The following PDE3B variants were observed in gnomAD, a reference collection of about 807,000 sequenced individuals.
PDE3B encodes the protein phosphodiesterase 3B.
Under a neutral mutation model 116.8 loss-of-function variants are expected in PDE3B, and 66 were observed. The observed-to-expected ratio is 0.56, with a 90% CI of 0.46 to 0.69. PDE3B has a LOEUF of 0.69. Ranked by LOEUF, PDE3B falls within the 30% of genes least tolerant of loss-of-function variation. PDE3B has a pLI of 0.00. For synonymous variants in PDE3B, 595 were observed against 533.6 expected (o/e 1.12, Z -1.59); for missense variants, 1,384 against 1,368.1 (o/e 1.01, Z -0.18).
chr11:14,645,250 CA>C (rs1853366082), intron 1 of PDE3B, among the ~76,000 whole-genome samples, 197 bp downstream of exon 1: 1 of 146,424 alleles, frequency 6.8e-6, no homozygotes, highest in African/African-American at 2.6e-5. Context: ...TTTAAAAATG[CA>C]GAAGCAAGTA....
chr11:14,860,691 A>G (rs1460614212), intron 13 of PDE3B, among the ~76,000 whole-genome samples: 1 of 152,176 alleles, frequency 6.6e-6, no homozygotes, highest in Non-Finnish European at 1.5e-5. Context: ...TTTTTGATTC[A>G]GAATACAACT....
At chr11:14,666,725 C>T (rs952926607) in intron 1 of PDE3B, among the ~76,000 whole-genome samples, 15 of 151,682 alleles carry the variant, frequency 9.9e-5, no homozygotes, top group African/African-American at 3.6e-4. Context: ...AAATCAAAAC[C>T]ACAATGAGAT....
At chr11:14,890,537 C>CTTTTTTTTTTTTTTTT in the PDE3B span, 1 of 64,272 alleles carries the variant, frequency 1.6e-5, no homozygotes, top group African/African-American at 6.8e-5. Flanking sequence ...TAGACCAATT[C>CTTTTTTTTTTTTTTTT]TTTTTTTTTT....
chr11:14,715,596 T>G (rs1424559367), intron 1 of PDE3B, among the ~76,000 whole-genome samples: 1 of 152,238 alleles, frequency 6.6e-6, no homozygotes, highest in African/African-American at 2.4e-5. Context: ...CTTGTGTCTT[T>G]TGCACATTGA....
intron 12 of PDE3B, among the ~76,000 whole-genome samples, chr11:14,852,692 G>T (rs1037965706): frequency 7.9e-5 from 12 of 152,136 alleles, no homozygotes; most frequent in African/African-American, 2.9e-4. Context: ...CTTGCTTGTT[G>T]TCTGCTCTCC....
intron 7 of PDE3B, among the ~76,000 whole-genome samples, chr11:14,820,703 G>C (rs1321063003): frequency 6.6e-6 from 1 of 151,936 alleles, no homozygotes; most frequent in Non-Finnish European, 1.5e-5. Context: ...TTCATGAATG[G>C]GATTAGTTCC....
chr11:14,758,108 A>G (rs532386281), intron 1 of PDE3B, among the ~76,000 whole-genome samples: 18 of 152,188 alleles, frequency 1.2e-4, no homozygotes, highest in African/African-American at 3.4e-4. Context: ...AAGATCAGAT[A>G]GTTGTAGATA....
chr11:14,701,084 T>A (rs1445490405), intron 1 of PDE3B, among the ~76,000 whole-genome samples: 1 of 151,768 alleles, frequency 6.6e-6, no homozygotes, highest in Non-Finnish European at 1.5e-5. Context: ...TAATATTAAT[T>A]CTGTAAAACA....
chr11:14,826,627 A>T (rs1429655571), intron 7 of PDE3B, among the ~76,000 whole-genome samples: 1 of 152,194 alleles, frequency 6.6e-6, no homozygotes, highest in Non-Finnish European at 1.5e-5. Context: ...TGTAATAAAT[A>T]GCCCACCAAC....
chr11:14,825,395 C>T (rs1859656863), intron 7 of PDE3B, among the ~76,000 whole-genome samples: 1 of 152,134 alleles, frequency 6.6e-6, no homozygotes, highest in African/African-American at 2.4e-5. Flanking sequence ...TCAAGAGACC[C>T]ATTTCACAGG....
intron 1 of PDE3B, among the ~76,000 whole-genome samples, chr11:14,731,527 A>T (rs1238365111): frequency 6.6e-6 from 1 of 151,938 alleles, no homozygotes; most frequent in East Asian, 1.9e-4. Flanking sequence ...CAAAGTGCTG[A>T]GATTACAGGT....
intron 1 of PDE3B, among the ~76,000 whole-genome samples, chr11:14,725,534 C>T (rs1590093366): frequency 1.4e-5 from 1 of 71,746 alleles, no homozygotes; most frequent in South Asian, 8.1e-4. Flanking sequence ...CTTCCCTTCC[C>T]CTCCCCTCCC....
rs117361591 is a variant in PDE3B at position 14,840,411 on chromosome 11, G to T, written c.2321-3416G>T. ...CTCTGATCCTCCAGTTCATAAATTT[G>T]TCATGTGCAGTAGTTCTCAATCATC... On this transcript the variant is annotated intron_variant, in intron 11 of 15. Transcript: ENST00000282096. Among the ~76,000 whole-genome samples the T allele has an allele frequency of 6.5e-3, 986 of 152,244 alleles. 5 individuals carry two copies. Among genetic ancestry groups the T allele is most frequent in the Non-Finnish European group, 0.011 (768 of 68,018 alleles).
intron 1 of PDE3B, among the ~76,000 whole-genome samples, chr11:14,704,477 A>C (rs964516720): frequency 2.0e-5 from 3 of 151,780 alleles, no homozygotes; most frequent in Non-Finnish European, 4.4e-5. Flanking sequence ...GGAAAGACAG[A>C]TCAATAGTCA....
chr11:14,891,191 G>A, the PDE3B span: 2 of 985,310 alleles, frequency 2.0e-6, no homozygotes, highest in African/African-American at 3.5e-5. Flanking sequence ...CCAGTCACAG[G>A]GCATTTCCGT....
chr11:14,813,326 A>G lies in PDE3B; in HGVS notation c.1523-4857A>G, dbSNP rs112774573. On this transcript the variant is annotated intron_variant, in intron 5 of 15. Coordinates refer to ENST00000282096, the MANE Select transcript of PDE3B (RefSeq NM_000922.4). ...TTCTGGAGGCTTTAGGGGGTAATCC[A>G]TTTTCTTTGCATTTTCCAGTTTCCA... Among the ~76,000 whole-genome samples, 753 of 152,112 alleles carry G rather than the reference A, an allele frequency of 5.0e-3. 9 individuals are homozygous for G. Among genetic ancestry groups the G allele is most frequent in the African/African-American group, 0.018 (734 of 41,494 alleles).
At chr11:14,842,447 T>A (rs1250720483) in intron 11 of PDE3B, among the ~76,000 whole-genome samples, 1 of 152,162 alleles carries the variant, frequency 6.6e-6, no homozygotes, top group Non-Finnish European at 1.5e-5. Flanking sequence ...AAGTCCAGAA[T>A]GTGTATCACA....
chr11:14,784,090 T>C (rs1308995720), intron 2 of PDE3B, among the ~76,000 whole-genome samples: 1 of 152,218 alleles, frequency 6.6e-6, no homozygotes, highest in African/African-American at 2.4e-5. Context: ...TGATGATCTG[T>C]GGTGAACAGT....
chr11:14,892,248 C>G, the PDE3B span: 11 of 1,562,926 alleles, frequency 7.0e-6, no homozygotes, highest in Non-Finnish European at 9.6e-6. Flanking sequence ...GCCCTGAGAC[C>G]CAGGCACTCC....
Sources: gnomAD v4.1 joint callset for allele counts (sites outside exome capture counted in the v4.1 genomes callset) on GRCh38, gnomAD v4.1.1 for gene constraint, MANE v1.5 for transcripts, NCBI Gene and HGNC (gene_info 2026-07-23, HGNC 2026-07-21) for gene names.